LINC00305: variants seen among roughly 807,000 people sequenced by gnomAD.
LINC00305 encodes the protein long intergenic non-protein coding RNA 305.
At chr18:64,087,125 G>A (rs2051206438) in intron 3 of LINC00305, among the ~76,000 whole-genome samples, 1 of 152,116 alleles carries the variant, frequency 6.6e-6, no homozygotes, top group Admixed American at 6.5e-5. Flanking sequence ...TTATACACAT[G>A]GAAATAGCAT....
At chr18:64,130,459 CCAAT>C (rs1175636031) in intron 1 of LINC00305, among the ~76,000 whole-genome samples, 3 of 152,142 alleles carry the variant, frequency 2.0e-5, no homozygotes, top group South Asian at 2.1e-4. Context: ...TTTCAGTTAC[CCAAT>C]CAATCAATAA....
At chr18:64,087,888 A>T (rs1020775445) in intron 3 of LINC00305, among the ~76,000 whole-genome samples, 2 of 152,042 alleles carry the variant, frequency 1.3e-5, no homozygotes, top group Admixed American at 1.3e-4. Context: ...TCAGGAGATC[A>T]AGACCATCCT....
intron 3 of LINC00305, among the ~76,000 whole-genome samples, chr18:64,083,083 T>C (rs1255590345): frequency 1.3e-5 from 2 of 152,232 alleles, no homozygotes; most frequent in African/African-American, 4.8e-5. Context: ...TTAGTCTCTT[T>C]AGCCATTCAC....
chr18:64,115,647 G>A (rs2051334233), intron 1 of LINC00305, among the ~76,000 whole-genome samples: 1 of 152,108 alleles, frequency 6.6e-6, no homozygotes, highest in Non-Finnish European at 1.5e-5. Flanking sequence ...TGTTCAAGGA[G>A]GCCTCAATGT....
intron 3 of LINC00305, among the ~76,000 whole-genome samples, chr18:64,097,295 T>C (rs2613660): frequency 0.34 from 51,092 of 151,954 alleles, 10,371 homozygotes; most frequent in African/African-American, 0.57. Flanking sequence ...CAAGATTTTC[T>C]GTATTTGATT....
At chr18:64,130,586 C>CT (rs575015584) in intron 1 of LINC00305, among the ~76,000 whole-genome samples, 147 of 152,110 alleles carry the variant, frequency 9.7e-4, no homozygotes, top group Middle Eastern at 3.4e-3. Flanking sequence ...GATAAGTAAA[C>CT]TTTTTTTACA....
chr18:64,093,736 G>A (rs368395444), intron 3 of LINC00305, among the ~76,000 whole-genome samples: 1 of 152,210 alleles, frequency 6.6e-6, no homozygotes, highest in African/African-American at 2.4e-5. Flanking sequence ...ATAGGCAAGA[G>A]AGTTTTAAAT....
chr18:64,087,313 T>C (rs912791541), intron 3 of LINC00305, among the ~76,000 whole-genome samples: 2 of 152,160 alleles, frequency 1.3e-5, no homozygotes, highest in African/African-American at 2.4e-5. Flanking sequence ...TTAACATTAG[T>C]CCACTTAATC....
chr18:64,144,618 C>T (rs1319223862), intron 1 of LINC00305, among the ~76,000 whole-genome samples: 1 of 152,110 alleles, frequency 6.6e-6, no homozygotes. Context: ...AAGTGATTCT[C>T]CTGCCTCAGC....
chr18:64,125,216 A>T (rs1448659148), intron 1 of LINC00305, among the ~76,000 whole-genome samples: 1 of 151,996 alleles, frequency 6.6e-6, no homozygotes, highest in Non-Finnish European at 1.5e-5. Flanking sequence ...CTAGCTGAGG[A>T]CAACTTGTAA....
At chr18:64,098,117 C>T in intron 2 of LINC00305, 1 of 393,920 alleles carries the variant, frequency 2.5e-6, no homozygotes, top group Non-Finnish European at 5.1e-6. Flanking sequence ...CCAACATTGT[C>T]CATTAAAGAT....
chr18:64,128,916 G>A (rs2051397226), intron 1 of LINC00305, among the ~76,000 whole-genome samples: 1 of 152,204 alleles, frequency 6.6e-6, no homozygotes, highest in African/African-American at 2.4e-5. Context: ...TTTAAATATT[G>A]TCCCTGAAAT....
At chr18:64,135,498 G>A (rs1306840889) in intron 1 of LINC00305, among the ~76,000 whole-genome samples, 1 of 152,122 alleles carries the variant, frequency 6.6e-6, no homozygotes, top group African/African-American at 2.4e-5. Context: ...CACAATCCAG[G>A]AACAGGGAAT....
At chr18:64,148,019 A>G (rs978077387) in intron 1 of LINC00305, among the ~76,000 whole-genome samples, 2 of 151,944 alleles carry the variant, frequency 1.3e-5, no homozygotes, top group African/African-American at 4.8e-5. Context: ...GTACGTTCTT[A>G]GATGCTGTGC....
intron 1 of LINC00305, among the ~76,000 whole-genome samples, chr18:64,123,760 G>A (rs1340321487): frequency 6.6e-6 from 1 of 152,060 alleles, no homozygotes; most frequent in East Asian, 1.9e-4. Context: ...AATGTTGGAA[G>A]GCAGGGCCTG....
chr18:64,083,853 G>T (rs543773645), intron 3 of LINC00305, among the ~76,000 whole-genome samples: 4 of 152,292 alleles, frequency 2.6e-5, no homozygotes, highest in Non-Finnish European at 5.9e-5. Context: ...GTTAGGATTT[G>T]TATTTAGCAA....
At chr18:64,131,575 A>C (rs535962296) in intron 1 of LINC00305, among the ~76,000 whole-genome samples, 2 of 152,334 alleles carry the variant, frequency 1.3e-5, no homozygotes, top group South Asian at 4.1e-4. Context: ...ATACAAAGCC[A>C]ACAATTTTGT....
At chr18:64,148,782 AG>A (rs1317445161) in exon 1 of LINC00305, 5 of 152,194 alleles carry the variant, frequency 3.3e-5, no homozygotes, top group Non-Finnish European at 5.9e-5. Context: ...TACCTTGTGA[AG>A]GGCAGTCTGG....
chr18:64,088,055 G>A lies in LINC00305; in HGVS notation n.541-7653C>T, dbSNP rs370804355. ...AGAGAATGGTGTAAACCCGGGAGGC[G>A]GAGCTTGCCGGGAGGCGGAGCTTGC... On this transcript the variant is annotated intron_variant and non_coding_transcript_variant, in intron 3 of 3. Coordinates refer to ENST00000666468, the Ensembl canonical transcript of LINC00305. Among the ~76,000 whole-genome samples the A allele has an allele frequency of 2.5e-3, 386 of 152,124 alleles. 2 individuals carry two copies. The highest frequency in any genetic ancestry group is 8.8e-3 in the African/African-American group (366 of 41,494).
Sources: allele counts gnomAD v4.1 joint callset (sites outside exome capture counted in the v4.1 genomes callset), GRCh38; gene constraint gnomAD v4.1.1; transcripts MANE v1.5; gene names NCBI Gene and HGNC (gene_info 2026-07-23, HGNC 2026-07-21).